The following KMT2E variants were observed in gnomAD, a reference collection of about 807,000 sequenced individuals.
KMT2E encodes the protein lysine methyltransferase 2E (inactive).
In KMT2E, 30 loss-of-function variants were observed where a neutral mutation model predicts 184.6. The observed-to-expected ratio is 0.16, with a 90% CI of 0.12 to 0.22. The LOEUF is 0.22. Ranked by LOEUF, KMT2E falls within the 10% of genes least tolerant of loss-of-function variation. The pLI, the probability that KMT2E is intolerant of heterozygous loss-of-function variation, is 1.00. For missense variants in KMT2E, 2,023 were observed against 2,237.4 expected, an observed-to-expected ratio of 0.90 and a Z score of 1.93; for synonymous variants, 815 against 776.5, an observed-to-expected ratio of 1.05 and a Z score of -0.82.
chr7:105,110,315 G>C lies in KMT2E; in HGVS notation c.3791G>C (p.Arg1264Thr). ...ACTTCAGTGGAACAAGTCAGAGAAA[G>C]GAGTTATCAGAGAGCTTTACTTCTC... ...ASTSVEQVRE[R>T]SYQRALLLSD... The change falls in exon 24 of 27, where the codon AGG becomes ACG. Residue 1264 changes from arginine (R) to threonine (T), a missense_variant. This residue lies in a region of KMT2E where 1,108 missense variants were observed against 1,050.9 expected (regional missense o/e 1.05). Coordinates refer to ENST00000311117, the MANE Select transcript of KMT2E (RefSeq NM_182931.3). 1 of 1,614,146 alleles carries C rather than the reference G, an allele frequency of 6.2e-7. No individual in the cohort carries two copies. The highest frequency in any genetic ancestry group is 8.5e-7 in the Non-Finnish European group (1 of 1,180,012).
At chr7:105,070,106 A>G (rs893698560) in intron 6 of KMT2E, among the ~76,000 whole-genome samples, 1 of 151,964 alleles carries the variant, frequency 6.6e-6, no homozygotes, top group Non-Finnish European at 1.5e-5. Flanking sequence ...GGTTGTTTCT[A>G]CTTTTTTGGC....
chr7:105,071,624 T>A (rs1189688221), intron 6 of KMT2E, among the ~76,000 whole-genome samples: 1 of 120,336 alleles, frequency 8.3e-6, no homozygotes, highest in African/African-American at 2.9e-5. Context: ...TTTTTTTTTT[T>A]TTTTTTTTTT....
intron 1 of KMT2E, among the ~76,000 whole-genome samples, chr7:105,016,270 A>G (rs1007109820): frequency 1.3e-5 from 2 of 152,152 alleles, no homozygotes; most frequent in African/African-American, 4.8e-5. Flanking sequence ...CATTTTTCCC[A>G]TGTATTTAAG....
At chr7:105,024,006 CTTTCA>C (rs1252966414) in intron 1 of KMT2E, among the ~76,000 whole-genome samples, 2 of 152,080 alleles carry the variant, frequency 1.3e-5, no homozygotes, top group Admixed American at 6.5e-5. Flanking sequence ...AACACTTAGA[CTTTCA>C]TTACATTATG....
chr7:105,067,670 A>G (rs1797090526), intron 6 of KMT2E, among the ~76,000 whole-genome samples: 1 of 152,138 alleles, frequency 6.6e-6, no homozygotes, highest in Non-Finnish European at 1.5e-5. Context: ...AATTCTTTTT[A>G]CAAAAATAAT....
chr7:105,018,610 ATATAAT>A (rs1399199216), intron 1 of KMT2E, among the ~76,000 whole-genome samples: 10 of 152,172 alleles, frequency 6.6e-5, no homozygotes, highest in African/African-American at 2.4e-4. Context: ...AATATTGAAA[ATATAAT>A]TATTTTATGG....
At chr7:105,047,450 A>C (rs1176520747) in intron 3 of KMT2E, among the ~76,000 whole-genome samples, 3 of 152,254 alleles carry the variant, frequency 2.0e-5, no homozygotes, top group Non-Finnish European at 4.4e-5. Flanking sequence ...TTGCAGGATT[A>C]AGTTGAACTA....
At chr7:105,051,106 C>T (rs28658088) in intron 3 of KMT2E, among the ~76,000 whole-genome samples, 42,249 of 141,318 alleles carry the variant, frequency 0.3, 8,918 homozygotes, top group East Asian at 0.67. Context: ...CTCTCTCTCT[C>T]TCTTTCTTCC....
At chr7:105,041,852 A>G (rs990437963) in intron 3 of KMT2E, among the ~76,000 whole-genome samples, 1 of 152,180 alleles carries the variant, frequency 6.6e-6, no homozygotes, top group Non-Finnish European at 1.5e-5. Flanking sequence ...ATCGACTATG[A>G]AGAAACTATT....
At chr7:105,074,311 G>T (rs1797443531) in intron 7 of KMT2E, among the ~76,000 whole-genome samples, 1 of 152,172 alleles carries the variant, frequency 6.6e-6, no homozygotes, top group South Asian at 2.1e-4. Context: ...GGCTGGGTCA[G>T]AAGGTATGTA....
rs1455804282 is a variant in KMT2E at position 105,081,738 on chromosome 7, A to G, written c.1299A>G (p.Ile433Met). Residue 433 changes from isoleucine to methionine, a missense_variant, in exon 13 of 27, where the codon ATA becomes ATG. By Grantham distance (10) the Ile-to-Met change is conservative (BLOSUM62 1). This residue lies in a region of KMT2E where 68 missense variants were observed against 133.1 expected (regional missense o/e 0.51). Transcript: ENST00000311117. ...CCATACATCTTTATATTTATTCTAT[A>G]CACAGTATTCCAAAGGGAACTGAAA... ...DGTIHLYIYS[I>M]HSIPKGTEIT... The G allele has an allele frequency of 6.4e-7, 1 of 1,553,026 alleles. No individual in the cohort carries two copies.
intron 1 of KMT2E, among the ~76,000 whole-genome samples, chr7:105,024,826 C>G (rs1209471867): frequency 2.6e-5 from 4 of 152,170 alleles, no homozygotes; most frequent in Admixed American, 1.3e-4. Context: ...TTTTCAGAGT[C>G]TGAAATAAGC....
At chr7:105,069,727 C>T (rs2129567639) in intron 6 of KMT2E, among the ~76,000 whole-genome samples, 1 of 152,286 alleles carries the variant, frequency 6.6e-6, no homozygotes. Context: ...ACTATTAATA[C>T]AATATCACAA....
At chr7:105,050,824 G>A (rs1796307814) in intron 3 of KMT2E, among the ~76,000 whole-genome samples, 1 of 151,766 alleles carries the variant, frequency 6.6e-6, no homozygotes, top group Non-Finnish European at 1.5e-5. Flanking sequence ...CCACCTTCAG[G>A]ATTCAAGTGA....
rs1341598043 is a variant in KMT2E, at chr7:105,050,638, CTTTTCTTTTTTCTTTCTTTCTTTCTT to C, written c.71+9624_71+9649del. On this transcript the variant is annotated intron_variant, in intron 3 of 26. Transcript: ENST00000311117. The stretch of plus-strand genomic sequence containing the variant: ...TTTTTTTCCTTTTCTTTTCTTTTCT[CTTTTCTTTTTTCTTTCTTTCTTTCTT>C]TTTTCTTTCTTTCTTTCTTTCTTTC... 2.0e-4 allele frequency among the ~76,000 whole-genome samples: 30 copies of C among 150,370 alleles called. No homozygotes were observed. The East Asian group carries it at 5.2e-3, about 26-fold the overall frequency.
Position 105,076,046 on chromosome 7 carries a change from T to C in KMT2E, c.733T>C (p.Phe245Leu). ...EQHISKCKKA[F>L]REGSRKSSRV... ...TAGAATTCCATGTTTATTTTAGGCA[T>C]TTCGTGAAGGATCTAGGAAGTCATC... is the stretch of plus-strand genomic sequence containing the variant. The change falls in exon 9 of 27, where the codon TTT becomes CTT. Residue 245 changes from phenylalanine to leucine, a missense_variant. Physicochemically the swap from Phe to Leu is conservative, Grantham distance 22. Transcript: ENST00000311117. The C allele has an allele frequency of 6.3e-7, 1 of 1,597,558 alleles. No individual in the cohort carries two copies. The highest frequency in any genetic ancestry group is 8.6e-7 in the Non-Finnish European group (1 of 1,165,536).
intron 1 of KMT2E, among the ~76,000 whole-genome samples, chr7:105,031,809 C>A (rs1330889216): frequency 1.3e-5 from 2 of 151,406 alleles, no homozygotes; most frequent in African/African-American, 4.9e-5. Flanking sequence ...GTGGCTCATG[C>A]CTGTAATCCC....
chr7:105,081,948 C>T lies in KMT2E; in HGVS notation c.1358+151C>T. The T allele has an allele frequency of 8.3e-6, 4 of 482,542 alleles. No individual in the cohort carries two copies. The South Asian group carries it at 1.4e-4, about 17-fold the overall frequency. The allele number at this position is 482,542 out of a possible 1,614,324, so 29.9% of individuals were successfully genotyped here. A position where few individuals can be genotyped will look rare whatever the true frequency, so the allele number is the denominator to read the frequency against. On this transcript the variant is annotated intron_variant, in intron 13 of 26. Coordinates refer to ENST00000311117, the MANE Select transcript of KMT2E (RefSeq NM_182931.3). ...TACTTGAAAACCAGAAGTTTAGTAT[C>T]AGCCTCTATTACAGCATTGCTACTT... is the stretch of plus-strand genomic sequence containing the variant.
At position 105,114,070 on chromosome 7, in the gene KMT2E, A is replaced by AATT. The variant is rs974118592; in HGVS notation, c.*740_*742dup. 2.0e-5 allele frequency: 3 copies of AATT among 152,614 alleles called. No individual in the cohort carries two copies. Among genetic ancestry groups the AATT allele is most frequent in the African/African-American group, 4.8e-5 (2 of 41,448 alleles). 9.5% of individuals were successfully genotyped at this position (152,614 alleles called of 1,614,324 possible). ...ATTTTAATTCATGTTAATAAATCAC[A>AATT]ATTATGTCAGTTTTACCAGATTGTC... On this transcript the variant is annotated 3_prime_UTR_variant, in exon 27 of 27. Transcript: ENST00000311117.
Sources: allele counts gnomAD v4.1 joint callset (sites outside exome capture counted in the v4.1 genomes callset), GRCh38; gene constraint gnomAD v4.1.1; regional missense constraint gnomAD v4.1.1; transcripts MANE v1.5; gene names NCBI Gene and HGNC (gene_info 2026-07-23, HGNC 2026-07-21).